Variants in FBP1 observed in about 807,000 individuals in gnomAD.
The protein encoded by FBP1 is fructose-bisphosphatase 1.
Under a neutral mutation model 29.9 loss-of-function variants are expected in FBP1, and 22 were observed. That is an observed-to-expected ratio of 0.74 (90% CI 0.53 to 1.05). The LOEUF is 1.05. FBP1 is among the 50% of genes least tolerant of loss of function. The pLI is 0.00. For synonymous variants in FBP1, 175 were observed against 178.6 expected (o/e 0.98, Z 0.16); for missense variants, 345 against 448.2 (o/e 0.77, Z 2.08).
intron 1 of FBP1, among the ~76,000 whole-genome samples, chr9:94,635,235 G>A (rs1414606359): frequency 6.6e-6 from 1 of 152,228 alleles, no homozygotes; most frequent in African/African-American, 2.4e-5. Flanking sequence ...CCCGGCCACA[G>A]GCCAAGTCAT....
At chr9:94,633,822 A>C (rs1447200180) in intron 1 of FBP1, among the ~76,000 whole-genome samples, 1 of 151,636 alleles carries the variant, frequency 6.6e-6, no homozygotes, top group Non-Finnish European at 1.5e-5. Flanking sequence ...CTCCTGCCTC[A>C]GCCTCCCAAG....
chr9:94,623,045 C>T (rs557366829), intron 1 of FBP1, among the ~76,000 whole-genome samples: 72 of 152,112 alleles, frequency 4.7e-4, no homozygotes, highest in Non-Finnish European at 5.9e-4. Context: ...TGTGCAGTTG[C>T]GTGATCTCGG....
intron 3 of FBP1, among the ~76,000 whole-genome samples, chr9:94,614,997 C>T (rs946273289): frequency 3.9e-5 from 6 of 152,146 alleles, no homozygotes; most frequent in Non-Finnish European, 7.4e-5. Context: ...CAAGCTCCGC[C>T]TCCCAGGTTC....
intron 1 of FBP1, among the ~76,000 whole-genome samples, chr9:94,622,969 T>C (rs1456121859): frequency 3.4e-5 from 5 of 149,004 alleles, no homozygotes; most frequent in African/African-American, 1.2e-4. Context: ...AGTCACTTTA[T>C]GATTATTTTT....
chr9:94,616,749 A>C (rs1340159606), intron 3 of FBP1, among the ~76,000 whole-genome samples: 4 of 152,166 alleles, frequency 2.6e-5, no homozygotes, highest in African/African-American at 9.7e-5. Context: ...TATACTTTGA[A>C]AAAATAAAAC....
upstream of FBP1, chr9:94,639,631 C>T: frequency 4.3e-6 from 2 of 469,138 alleles, no homozygotes; most frequent in Non-Finnish European, 7.8e-6. Flanking sequence ...GCTCCGCCTG[C>T]TTGGATCTTC....
At chr9:94,628,553 G>A (rs1039141294) in intron 1 of FBP1, among the ~76,000 whole-genome samples, 1 of 152,112 alleles carries the variant, frequency 6.6e-6, no homozygotes, top group African/African-American at 2.4e-5. Flanking sequence ...CACCTGCTGA[G>A]GCCAGAGCAC....
chr9:94,620,122 G>A (rs1827924373), intron 2 of FBP1, among the ~76,000 whole-genome samples: 1 of 152,136 alleles, frequency 6.6e-6, no homozygotes, highest in Non-Finnish European at 1.5e-5. Flanking sequence ...TGGGGAGAAG[G>A]CGGCGTGAGC....
chr9:94,611,046 G>A (rs772710837), intron 3 of FBP1, among the ~76,000 whole-genome samples: 1 of 151,992 alleles, frequency 6.6e-6, no homozygotes, highest in African/African-American at 2.4e-5. Context: ...TGTATTTTTA[G>A]TAGAGAGGGG....
chr9:94,638,425 T>C (rs865907976), intron 1 of FBP1, among the ~76,000 whole-genome samples: 12 of 152,230 alleles, frequency 7.9e-5, no homozygotes, highest in African/African-American at 2.9e-4. Context: ...CAAACCACTT[T>C]TGAGCTTTCC....
intron 3 of FBP1, among the ~76,000 whole-genome samples, chr9:94,611,128 G>C (rs944682744): frequency 1.1e-4 from 17 of 152,094 alleles, no homozygotes; most frequent in Non-Finnish European, 1.3e-4. Context: ...CTCCCAAAGT[G>C]CTGGGATTAC....
chr9:94,615,639 A>C (rs966004768), intron 3 of FBP1, among the ~76,000 whole-genome samples: 6 of 152,160 alleles, frequency 3.9e-5, no homozygotes, highest in Non-Finnish European at 5.9e-5. Context: ...TGAGAATTTG[A>C]ATCTTCTATT....
chr9:94,618,501 T>C (rs969065990), intron 2 of FBP1, among the ~76,000 whole-genome samples: 1 of 143,038 alleles, frequency 7.0e-6, no homozygotes, highest in African/African-American at 2.6e-5. Flanking sequence ...TTCAATTAGC[T>C]GGGCATGATG....
chr9:94,623,259 A>G (rs1827974190), intron 1 of FBP1, among the ~76,000 whole-genome samples: 1 of 152,164 alleles, frequency 6.6e-6, no homozygotes, highest in African/African-American at 2.4e-5. Context: ...TGCTGGGATT[A>G]CAGGCATGAG....
At chr9:94,627,860 A>G (rs1441891125) in intron 1 of FBP1, among the ~76,000 whole-genome samples, 2 of 152,168 alleles carry the variant, frequency 1.3e-5, no homozygotes, top group Non-Finnish European at 2.9e-5. Flanking sequence ...GTGCCTTACA[A>G]TTAAAGGAGA....
intron 1 of FBP1, among the ~76,000 whole-genome samples, chr9:94,637,384 C>G (rs868209565): frequency 1.3e-5 from 2 of 148,974 alleles, no homozygotes; most frequent in South Asian, 4.3e-4. Flanking sequence ...CAGGTCAGCT[C>G]TGAGCATCAT....
rs376631329 is a variant in FBP1 at position 94,609,921 on chromosome 9, C to T, written c.567G>A (p.Pro189=). 18 of 1,613,928 alleles carry T rather than the reference C, an allele frequency of 1.1e-5. No individual in the cohort carries two copies. Among genetic ancestry groups the T allele is most frequent in the African/African-American group, 2.7e-5 (2 of 74,890 alleles). ...CCCAGCCTCCTGTGAGGTCTCTCAC[C>T]GGGTCCAGCATGAAGCAGTTGACCC... ...DCGVNCFMLD[P]AIGEFILVDK... is the part of the protein sequence containing the mutation. Residue 189 remains proline, a splice_region_variant and synonymous_variant, in exon 4 of 7, where the codon CCG becomes CCA. Transcript: ENST00000375326.
In FBP1 at chr9:94,617,771, T is replaced by C. The variant is rs1827884909; in HGVS notation, c.423A>G (p.Arg141=). ...VSVGTIFGIY[R]KKSTDEPSEK... is the part of the protein sequence containing the mutation. ...TGCTTAAGATATCACGTTTTACCTT[T>C]CTATAGATGCCAAAAATGGTTCCAA... is the stretch of plus-strand genomic sequence containing the variant. Residue 141 remains arginine, a synonymous_variant, in exon 3 of 7, where the codon AGA becomes AGG. Transcript: ENST00000375326. 6.2e-7 allele frequency: 1 copy of C among 1,609,120 alleles called. No individual in the cohort carries two copies. Among genetic ancestry groups the C allele is most frequent in the African/African-American group, 1.3e-5 (1 of 74,822 alleles).
intron 1 of FBP1, among the ~76,000 whole-genome samples, chr9:94,628,699 C>A (rs1235908515): frequency 1.3e-5 from 2 of 152,198 alleles, no homozygotes; most frequent in Non-Finnish European, 2.9e-5. Flanking sequence ...TACTTCCAGG[C>A]ATGTGTGAAT....
Sources: gnomAD v4.1 joint callset for allele counts (sites outside exome capture counted in the v4.1 genomes callset) on GRCh38, gnomAD v4.1.1 for gene constraint, MANE v1.5 for transcripts, NCBI Gene and HGNC (gene_info 2026-07-23, HGNC 2026-07-21) for gene names.